Variants in GRID2 observed in about 807,000 individuals in gnomAD.
GRID2 encodes the protein glutamate receptor ionotropic, delta-2.
A neutral mutation model predicts 114.8 loss-of-function variants in GRID2; 33 were observed. That is an observed-to-expected ratio of 0.29 (90% CI 0.22 to 0.38). The LOEUF is 0.38. GRID2 is among the 10% of genes least tolerant of loss of function. The pLI, the probability that GRID2 is intolerant of heterozygous loss-of-function variation, is 1.00. For synonymous variants in GRID2, 505 were observed against 449.9 expected (o/e 1.12, Z -1.55); for missense variants, 1,184 against 1,257.7 (o/e 0.94, Z 0.89).
At chr4:93,302,049 A>T (rs1346763537) in intron 8 of GRID2, among the ~76,000 whole-genome samples, 1 of 152,196 alleles carries the variant, frequency 6.6e-6, no homozygotes, top group Non-Finnish European at 1.5e-5. Context: ...ACACCAATAA[A>T]ATCTTATGAG....
intron 10 of GRID2, among the ~76,000 whole-genome samples, chr4:93,423,438 C>T (rs1294711972): frequency 7.2e-6 from 1 of 139,318 alleles, no homozygotes; most frequent in Non-Finnish European, 1.5e-5. Context: ...AGCTCCGCCT[C>T]CTAGGTTCGC....
intron 2 of GRID2, among the ~76,000 whole-genome samples, chr4:92,901,125 A>G (rs1431876095): frequency 1.3e-5 from 2 of 152,144 alleles, no homozygotes; most frequent in African/African-American, 4.8e-5. Context: ...TGGTAGTTCT[A>G]TCTCTAGTTA....
intron 2 of GRID2, among the ~76,000 whole-genome samples, chr4:92,869,358 A>C (rs576528994): frequency 4.7e-4 from 71 of 152,230 alleles, no homozygotes; most frequent in Non-Finnish European, 9.6e-4. Flanking sequence ...GTACCCAAAA[A>C]ACATTTAAAT....
chr4:93,532,418 T>C (rs1373546628), intron 13 of GRID2, among the ~76,000 whole-genome samples: 1 of 152,170 alleles, frequency 6.6e-6, no homozygotes, highest in Non-Finnish European at 1.5e-5. Context: ...ACCTTAAGCT[T>C]GAGCACCCCA....
At chr4:92,730,628 G>T (rs561045691) in intron 2 of GRID2, among the ~76,000 whole-genome samples, 7 of 151,932 alleles carry the variant, frequency 4.6e-5, no homozygotes, top group Non-Finnish European at 1.0e-4. Flanking sequence ...TAGAAGAGAT[G>T]TCAGGATATT....
chr4:93,023,856 T>G (rs371124097), intron 2 of GRID2, among the ~76,000 whole-genome samples: 1 of 151,906 alleles, frequency 6.6e-6, no homozygotes. Context: ...AGAGCACCTG[T>G]AGCTGTGTTT....
At chr4:92,831,180 T>A (rs979582856) in intron 2 of GRID2, among the ~76,000 whole-genome samples, 1 of 152,188 alleles carries the variant, frequency 6.6e-6, no homozygotes, top group Non-Finnish European at 1.5e-5. Context: ...AAATAGACCA[T>A]GTAAAATGAA....
chr4:93,554,698 C>T (rs1734132337), intron 13 of GRID2, among the ~76,000 whole-genome samples: 1 of 152,112 alleles, frequency 6.6e-6, no homozygotes, highest in Non-Finnish European at 1.5e-5. Context: ...ATCTCCTGAG[C>T]CCAAGCAATC....
At chr4:92,572,559 A>G (rs1348460396) in intron 1 of GRID2, among the ~76,000 whole-genome samples, 3 of 152,158 alleles carry the variant, frequency 2.0e-5, no homozygotes, top group Non-Finnish European at 4.4e-5. Context: ...TCCTGATACC[A>G]AAGCCTGGCA....
At chr4:92,450,784 G>A (rs1720876617) in intron 1 of GRID2, among the ~76,000 whole-genome samples, 1 of 148,816 alleles carries the variant, frequency 6.7e-6, no homozygotes, top group Admixed American at 6.7e-5. Context: ...GTAAAAGTGT[G>A]TTAATAAATT....
intron 13 of GRID2, among the ~76,000 whole-genome samples, chr4:93,594,634 C>T (rs1396230565): frequency 1.5e-4 from 23 of 152,104 alleles, no homozygotes; most frequent in Admixed American, 1.3e-3. Flanking sequence ...TGGGCAATGG[C>T]GGGCGCCCCT....
intron 2 of GRID2, among the ~76,000 whole-genome samples, chr4:92,628,146 A>G (rs1232456759): frequency 6.6e-6 from 1 of 152,160 alleles, no homozygotes; most frequent in Non-Finnish European, 1.5e-5. Flanking sequence ...ATGTTTAACA[A>G]TTGCTTACCA....
chr4:92,829,281 G>A (rs946749171), intron 2 of GRID2, among the ~76,000 whole-genome samples: 4 of 151,832 alleles, frequency 2.6e-5, no homozygotes, highest in African/African-American at 7.2e-5. Context: ...GAATCCTTTC[G>A]TCATTGCTTG....
chr4:92,419,894 T>A (rs1252311703), intron 1 of GRID2, among the ~76,000 whole-genome samples: 3 of 152,098 alleles, frequency 2.0e-5, no homozygotes, highest in African/African-American at 2.4e-5. Context: ...ATATACCTAT[T>A]TTATTTACTT....
chr4:93,613,551 G>T (rs1277136111), intron 13 of GRID2, among the ~76,000 whole-genome samples: 1 of 79,748 alleles, frequency 1.3e-5, no homozygotes, highest in Non-Finnish European at 2.7e-5. Flanking sequence ...TCAGCTGCAG[G>T]TCTGTTGGAA....
chr4:93,017,033 T>C (rs1234849514), intron 2 of GRID2, among the ~76,000 whole-genome samples: 1 of 152,180 alleles, frequency 6.6e-6, no homozygotes, highest in East Asian at 1.9e-4. Context: ...GTTGAAGGGA[T>C]AAAAACTGAA....
At chr4:93,398,137 A>ATATATG (rs1765531734) in intron 9 of GRID2, among the ~76,000 whole-genome samples, 3 of 104,228 alleles carry the variant, frequency 2.9e-5, no homozygotes, top group African/African-American at 1.9e-4. Flanking sequence ...GTGTGTGTAT[A>ATATATG]TATATATATA....
At chr4:93,319,732 A>C (rs1012110339) in intron 8 of GRID2, 1 of 152,164 alleles carries the variant, frequency 6.6e-6, no homozygotes, top group Non-Finnish European at 1.5e-5. Flanking sequence ...AGCAGCCTCC[A>C]GGAAAGGCGC....
chr4:93,193,437 C>G lies in GRID2; in HGVS notation c.736-13967C>G, dbSNP rs934777539. ...TCTCATGATAGTGAGTGAGTTCTTA[C>G]GAGATCTGATGGTTTTATAGGGGCT... On this transcript the variant is annotated intron_variant, in intron 4 of 15. Transcript: ENST00000282020. Among the ~76,000 whole-genome samples, 54 of 152,140 alleles carry G rather than the reference C, an allele frequency of 3.5e-4. 1 individual carries two copies. The highest frequency in any genetic ancestry group is 1.2e-3 in the African/African-American group (48 of 41,508).
Sources: allele counts gnomAD v4.1 joint callset (sites outside exome capture counted in the v4.1 genomes callset), GRCh38; gene constraint gnomAD v4.1.1; transcripts MANE v1.5; gene names NCBI Gene and HGNC (gene_info 2026-07-23, HGNC 2026-07-21).